The following CTTNBP2 variants were observed in gnomAD, a reference collection of about 807,000 sequenced individuals.
CTTNBP2 encodes cortactin binding protein 2, also known as cortactin-binding protein 2.
CTTNBP2 carries 108 observed loss-of-function variants against 156.9 expected under a neutral mutation model. The ratio of observed to expected loss-of-function variants is 0.69; its 90% confidence interval spans 0.59 to 0.81. CTTNBP2 has a LOEUF of 0.81. CTTNBP2 is among the 30% of genes least tolerant of loss of function. The pLI, the probability that CTTNBP2 is intolerant of heterozygous loss-of-function variation, is 0.00. For synonymous variants in CTTNBP2, 767 were observed against 751.8 expected, an observed-to-expected ratio of 1.02 and a Z score of -0.33; for missense variants, 1,924 against 2,035.4, an observed-to-expected ratio of 0.95 and a Z score of 1.05.
chr7:117,792,902 C>T lies in CTTNBP2; in HGVS notation c.415-121G>A, dbSNP rs1315748944. On this transcript the variant is annotated intron_variant, in intron 3 of 22. Transcript: ENST00000160373. The surrounding 1 kb of genome is among the most constrained non-coding windows in gnomAD (Gnocchi z 4.2). ...ATTACATAACTCGGGTTAGCAAAAACGCCACATTTTCAAAAAGTGTTGTGA... is the reference window on the plus strand; with the variant it reads ...ATTACATAACTCGGGTTAGCAAAAATGCCACATTTTCAAAAAGTGTTGTGA... 23 of 617,860 alleles carry T rather than the reference C, an allele frequency of 3.7e-5. No homozygotes were observed. Among genetic ancestry groups the T allele is most frequent in the Non-Finnish European group, 5.4e-5 (22 of 404,468 alleles). The allele number at this position is 617,860 out of a possible 1,614,324, so 38.3% of individuals were successfully genotyped here. A position where few individuals can be genotyped will look rare whatever the true frequency, so the allele number is the denominator to read the frequency against.
At chr7:117,717,592 T>C (rs1171676147) in intron 22 of CTTNBP2, among the ~76,000 whole-genome samples, 1 of 151,670 alleles carries the variant, frequency 6.6e-6, no homozygotes. Flanking sequence ...ATTCATTCTG[T>C]CTACATTACC....
At chr7:117,798,540 T>C (rs1031279311) in intron 3 of CTTNBP2, among the ~76,000 whole-genome samples, 3 of 152,108 alleles carry the variant, frequency 2.0e-5, no homozygotes, top group Admixed American at 6.5e-5. Context: ...GCTGAATGAA[T>C]ACAAGAACAC....
intron 17 of CTTNBP2, among the ~76,000 whole-genome samples, chr7:117,726,983 T>C (rs1033925727): frequency 2.0e-5 from 3 of 152,144 alleles, no homozygotes; most frequent in Admixed American, 6.5e-5. Context: ...ATATTCCATA[T>C]AGGAGAGGTC....
At chr7:117,837,332 T>C (rs536874150) in intron 2 of CTTNBP2, among the ~76,000 whole-genome samples, 45 of 152,294 alleles carry the variant, frequency 3.0e-4, no homozygotes, top group African/African-American at 9.9e-4. Context: ...AATACACTTT[T>C]ACTACTTTTC....
At chr7:117,756,656 GA>G in intron 11 of CTTNBP2, 22 bp from the exon 12 acceptor site, 1 of 1,448,274 alleles carries the variant, frequency 6.9e-7, no homozygotes, top group Non-Finnish European at 9.7e-7. Context: ...GACAGACGAA[GA>G]AAAATGGGTG....
chr7:117,804,165 G>A (rs1346713077), intron 3 of CTTNBP2, among the ~76,000 whole-genome samples: 8 of 152,018 alleles, frequency 5.3e-5, no homozygotes, highest in East Asian at 3.9e-4. Context: ...GTTTCACCAC[G>A]TTGGCTAGGC....
intron 14 of CTTNBP2, among the ~76,000 whole-genome samples, chr7:117,744,986 C>A (rs1162143750): frequency 6.6e-6 from 1 of 152,170 alleles, no homozygotes; most frequent in Non-Finnish European, 1.5e-5. Flanking sequence ...CTGCTTCCTT[C>A]GCCCCTTCCC....
intron 1 of CTTNBP2, among the ~76,000 whole-genome samples, chr7:117,871,293 G>A (rs1225507659): frequency 6.6e-6 from 1 of 152,146 alleles, no homozygotes; most frequent in East Asian, 1.9e-4. Context: ...AGAGAACCAT[G>A]CCTTATTAAG....
intron 19 of CTTNBP2, among the ~76,000 whole-genome samples, chr7:117,722,485 C>T (rs1232103257): frequency 1.3e-5 from 2 of 151,988 alleles, no homozygotes; most frequent in Non-Finnish European, 2.9e-5. Context: ...GAAGTTCATG[C>T]TTCAAAGAAT....
chr7:117,732,493 A>G (rs1795455499), intron 16 of CTTNBP2, among the ~76,000 whole-genome samples: 1 of 151,816 alleles, frequency 6.6e-6, no homozygotes, highest in African/African-American at 2.4e-5. Flanking sequence ...TACTGAAAAT[A>G]CAAAAAATTA....
In CTTNBP2 at chr7:117,777,696, G is replaced by A. The variant is rs1254101783; in HGVS notation, c.2593C>T (p.His865Tyr). Residue 865 changes from histidine (H) to tyrosine (Y), a missense_variant, in exon 8 of 23, where the codon CAT becomes TAT. By Grantham distance (83) the His-to-Tyr change is moderately conservative (BLOSUM62 2). Coordinates refer to ENST00000160373, the MANE Select transcript of CTTNBP2 (RefSeq NM_033427.3). ...NVDSLKLLMY[H>Y]RIPAHGNSFN... ...GAATTTCCATGAGCTGGTATTCTAT[G>A]GTACATAAGAAGCTTGAGGCTGTCC... is the stretch of plus-strand genomic sequence containing the variant. 1.2e-6 allele frequency: 2 copies of A among 1,613,904 alleles called. No homozygotes were observed. Among genetic ancestry groups the A allele is most frequent in the Admixed American group, 1.7e-5 (1 of 60,008 alleles).
At chr7:117,862,409 T>C (rs1290988188) in intron 1 of CTTNBP2, among the ~76,000 whole-genome samples, 1 of 152,178 alleles carries the variant, frequency 6.6e-6, no homozygotes, top group Non-Finnish European at 1.5e-5. Flanking sequence ...AGTGACTGCA[T>C]CCAACCTCTC....
chr7:117,734,852 G>A (rs1378661343), intron 16 of CTTNBP2, 61 bp downstream of exon 16: 2 of 1,360,874 alleles, frequency 1.5e-6, no homozygotes, highest in East Asian at 4.8e-5. Flanking sequence ...CTCAAGCTGA[G>A]ATCTCCTGAC....
rs551063224 is a variant in CTTNBP2 at position 117,752,951 on chromosome 7, A to C, written c.3348+3604T>G. 2.6e-5 allele frequency among the ~76,000 whole-genome samples: 4 copies of C among 152,376 alleles called. No individual in the cohort carries two copies. In the South Asian group the frequency reaches 8.3e-4, roughly 32 times the overall value. ...AATAAAAGGTTAGCTATTCAAAAGC[A>C]ACTGTCATCAGAGTGAACAGACAAC... On this transcript the variant is annotated intron_variant, in intron 12 of 22. Transcript: ENST00000160373.
At chr7:117,760,309 A>G in intron 10 of CTTNBP2, 126 bp downstream of exon 10, 1 of 897,182 alleles carries the variant, frequency 1.1e-6, no homozygotes. Context: ...GTTTTTCAGC[A>G]CCGGCAGCTG....
chr7:117,731,881 C>T (rs1227476481), intron 16 of CTTNBP2, among the ~76,000 whole-genome samples: 1 of 152,092 alleles, frequency 6.6e-6, no homozygotes, highest in Non-Finnish European at 1.5e-5. Flanking sequence ...GGCACGCAGA[C>T]AAAGGAGAAA....
intron 19 of CTTNBP2, among the ~76,000 whole-genome samples, chr7:117,723,067 T>C (rs1794892467): frequency 1.3e-5 from 2 of 152,186 alleles, no homozygotes; most frequent in Non-Finnish European, 2.9e-5. Context: ...GGCTGGAGTC[T>C]AGTGATTCTT....
intron 2 of CTTNBP2, among the ~76,000 whole-genome samples, chr7:117,834,463 G>T (rs1397860178): frequency 1.3e-5 from 2 of 152,204 alleles, no homozygotes; most frequent in Non-Finnish European, 2.9e-5. Context: ...TCTGAACTGA[G>T]AACTTATGCT....
chr7:117,758,698 TTACA>T (rs1456295173), intron 10 of CTTNBP2, among the ~76,000 whole-genome samples: 1 of 152,200 alleles, frequency 6.6e-6, no homozygotes, highest in Non-Finnish European at 1.5e-5. Flanking sequence ...GCAAACTCAC[TTACA>T]TACACACAAT....
Sources: allele counts gnomAD v4.1 joint callset (sites outside exome capture counted in the v4.1 genomes callset), GRCh38; gene constraint gnomAD v4.1.1; non-coding constraint Gnocchi (gnomAD v3.1); transcripts MANE v1.5; gene names NCBI Gene and HGNC (gene_info 2026-07-23, HGNC 2026-07-21).